Variants in PAMR1 observed in about 807,000 individuals in gnomAD.
The protein encoded by PAMR1 is peptidase domain containing associated with muscle regeneration 1.
Under a neutral mutation model 81.8 loss-of-function variants are expected in PAMR1, and 88 were observed. The ratio of observed to expected loss-of-function variants is 1.08; its 90% CI spans 0.91 to 1.28. PAMR1 has a LOEUF of 1.28. Among genes scored for constraint, PAMR1 ranks in the 50% most tolerant of loss-of-function variants. The pLI is 0.00. For synonymous variants in PAMR1, 336 were observed against 345.3 expected (o/e 0.97, Z 0.30); for missense variants, 935 against 919.7 (o/e 1.02, Z -0.21).
chr11:35,454,320 T>G (rs1367566221), intron 6 of PAMR1, among the ~76,000 whole-genome samples: 2 of 152,186 alleles, frequency 1.3e-5, no homozygotes, highest in Non-Finnish European at 2.9e-5. Context: ...AGGAGATTTT[T>G]GTCCCCCTAG....
chr11:35,471,113 C>T (rs943286193), intron 4 of PAMR1, among the ~76,000 whole-genome samples: 1 of 152,190 alleles, frequency 6.6e-6, no homozygotes, highest in Non-Finnish European at 1.5e-5. Context: ...GGCACTTTTT[C>T]CTCCCAGTCT....
chr11:35,463,185 G>A (rs1299911362), intron 6 of PAMR1, among the ~76,000 whole-genome samples: 1 of 152,190 alleles, frequency 6.6e-6, no homozygotes, highest in East Asian at 1.9e-4. Flanking sequence ...CCCCTTTGAA[G>A]CTAAAGCATA....
At chr11:35,521,019 C>T (rs1304251121) in intron 1 of PAMR1, among the ~76,000 whole-genome samples, 1 of 152,196 alleles carries the variant, frequency 6.6e-6, no homozygotes, top group Non-Finnish European at 1.5e-5. Context: ...TCTGCATATT[C>T]CTGAGGGACT....
At chr11:35,489,259 C>G (rs993477837) in intron 3 of PAMR1, among the ~76,000 whole-genome samples, 1 of 152,194 alleles carries the variant, frequency 6.6e-6, no homozygotes, top group Non-Finnish European at 1.5e-5. Context: ...AACTCACCTT[C>G]TTTCCCCCAC....
intron 3 of PAMR1, among the ~76,000 whole-genome samples, chr11:35,480,792 C>T (rs146580853): frequency 0.026 from 3,883 of 152,120 alleles, 65 homozygotes; most frequent in Non-Finnish European, 0.038. Context: ...ACCTATCTAC[C>T]CATCATCTAG....
upstream of PAMR1, chr11:35,530,156 G>T (rs1440277652): frequency 6.6e-6 from 1 of 152,246 alleles, no homozygotes; most frequent in Non-Finnish European, 1.5e-5. Context: ...AATTAAGTTT[G>T]GTTTCCATCA....
intron 6 of PAMR1, among the ~76,000 whole-genome samples, chr11:35,454,396 T>C (rs908454171): frequency 1.3e-5 from 2 of 152,168 alleles, no homozygotes; most frequent in Non-Finnish European, 2.9e-5. Flanking sequence ...CCAAACAGTG[T>C]TCCTGGAGGT....
chr11:35,458,985 C>T (rs879855443), intron 6 of PAMR1, among the ~76,000 whole-genome samples: 2 of 152,212 alleles, frequency 1.3e-5, no homozygotes, highest in Admixed American at 6.5e-5. Context: ...CCACTGAAAA[C>T]TCTTTTGATC....
At chr11:35,474,443 A>G (rs1381362720) in intron 4 of PAMR1, among the ~76,000 whole-genome samples, 187 bp downstream of exon 4, 1 of 152,186 alleles carries the variant, frequency 6.6e-6, no homozygotes, top group Non-Finnish European at 1.5e-5. Flanking sequence ...CCACGGTTCT[A>G]AAGTGTTGAT....
At chr11:35,467,872 A>G (rs1856783589) in intron 6 of PAMR1, 129 bp downstream of exon 6, 2 of 563,920 alleles carry the variant, frequency 3.5e-6, no homozygotes, top group South Asian at 5.3e-5. Context: ...CACTGGGAGT[A>G]TCCACACTGT....
At chr11:35,470,882 C>G (rs1418223097) in intron 4 of PAMR1, 64 bp from the exon 5 acceptor site, 2 of 1,152,976 alleles carry the variant, frequency 1.7e-6, no homozygotes, top group Non-Finnish European at 2.6e-6. Context: ...GACCGCTGGG[C>G]TCATTCAAGG....
chr11:35,482,393 G>A (rs968497572), intron 3 of PAMR1, among the ~76,000 whole-genome samples: 13 of 152,074 alleles, frequency 8.5e-5, no homozygotes, highest in African/African-American at 3.1e-4. Flanking sequence ...CCGTTGGTCT[G>A]TATGTCTGTT....
intron 1 of PAMR1, among the ~76,000 whole-genome samples, chr11:35,522,607 T>C (rs1851305176): frequency 6.6e-6 from 1 of 152,228 alleles, no homozygotes; most frequent in South Asian, 2.1e-4. Context: ...ATTCGGGTTG[T>C]TTCCACCTTT....
chr11:35,473,482 G>A (rs1326195549), intron 4 of PAMR1, among the ~76,000 whole-genome samples: 1 of 152,170 alleles, frequency 6.6e-6, no homozygotes, highest in Non-Finnish European at 1.5e-5. Context: ...CATCCCTGCA[G>A]ACCCAGCCTT....
intron 1 of PAMR1, among the ~76,000 whole-genome samples, chr11:35,515,848 T>TTC (rs1555044740): frequency 6.6e-6 from 1 of 151,860 alleles, no homozygotes. Flanking sequence ...CTCTTTTTTT[T>TTC]TCTCTCTCTG....
intron 3 of PAMR1, among the ~76,000 whole-genome samples, chr11:35,476,065 C>A (rs1215837334): frequency 6.6e-6 from 1 of 152,226 alleles, no homozygotes; most frequent in Non-Finnish European, 1.5e-5. Context: ...AGAGCCCAAA[C>A]TCCACTTTTG....
Position 35,525,499 on chromosome 11 carries a change from G to A in PAMR1, c.73+14C>T, listed in dbSNP as rs372809786. ...GGTGTCCTCCTAGGGTGTCCCGGAC[G>A]CTACTCACAGTACCTCTTGGCAAGG... On this transcript the variant is annotated intron_variant, in intron 1 of 10. Transcript: ENST00000619888. 3.2e-5 allele frequency: 51 copies of A among 1,611,042 alleles called. No individual in the cohort carries two copies. The highest frequency in any genetic ancestry group is 4.2e-5 in the Non-Finnish European group (50 of 1,177,568).
chr11:35,526,736 G>T (rs61179815), upstream of PAMR1, among the ~76,000 whole-genome samples: 33,035 of 152,114 alleles, frequency 0.22, 3,873 homozygotes, highest in Non-Finnish European at 0.26. Flanking sequence ...TACATATGCA[G>T]AATTGTATTT....
intron 1 of PAMR1, among the ~76,000 whole-genome samples, chr11:35,514,988 G>A (rs1455128065): frequency 6.6e-6 from 1 of 152,198 alleles, no homozygotes; most frequent in African/African-American, 2.4e-5. Context: ...CTGGGTGACA[G>A]ACCAAGATCC....
Sources: gnomAD v4.1 joint callset for allele counts (sites outside exome capture counted in the v4.1 genomes callset) on GRCh38, gnomAD v4.1.1 for gene constraint, MANE v1.5 for transcripts, NCBI Gene and HGNC (gene_info 2026-07-23, HGNC 2026-07-21) for gene names.